Variants in RAB3IP observed in about 807,000 individuals in gnomAD.
RAB3IP encodes the protein rab-3A-interacting protein.
A neutral mutation model predicts 59.1 loss-of-function variants in RAB3IP; 36 were observed. The ratio of observed to expected loss-of-function variants is 0.61; its 90% CI spans 0.47 to 0.80. The LOEUF (loss-of-function observed/expected upper bound fraction) is 0.80, where lower values mean the gene tolerates loss of function less well. Ranked by LOEUF, RAB3IP falls within the 30% of genes least tolerant of loss-of-function variation. The probability of loss-of-function intolerance (pLI) is 0.00; values close to 1 mark genes in which losing one functional copy is unlikely to be tolerated. For missense variants in RAB3IP, 511 were observed against 536.0 expected, an observed-to-expected ratio of 0.95 and a Z score of 0.46; for synonymous variants, 207 against 191.2, an observed-to-expected ratio of 1.08 and a Z score of -0.68.
chr12:69,787,046 A>T (rs1592557025), intron 4 of RAB3IP, among the ~76,000 whole-genome samples: 1 of 152,184 alleles, frequency 6.6e-6, no homozygotes, highest in Admixed American at 6.5e-5. Context: ...CCATTGTCTT[A>T]TGAAAAGATT....
intron 3 of RAB3IP, among the ~76,000 whole-genome samples, chr12:69,762,490 G>A (rs1398768670): frequency 6.6e-6 from 1 of 152,158 alleles, no homozygotes; most frequent in Non-Finnish European, 1.5e-5. Context: ...GGGCGAAGTG[G>A]CTCACGCCTG....
intron 4 of RAB3IP, among the ~76,000 whole-genome samples, chr12:69,792,123 CAG>C (rs1378687158): frequency 6.6e-6 from 1 of 152,122 alleles, no homozygotes; most frequent in Non-Finnish European, 1.5e-5. Flanking sequence ...CATAGAAGCA[CAG>C]AGTAGATTGG....
At chr12:69,772,527 T>A (rs185080226) in intron 3 of RAB3IP, among the ~76,000 whole-genome samples, 163 of 152,292 alleles carry the variant, frequency 1.1e-3, no homozygotes, top group African/African-American at 3.8e-3. Flanking sequence ...TTTTCTCTAG[T>A]AATATGTTTT....
intron 4 of RAB3IP, among the ~76,000 whole-genome samples, chr12:69,785,864 A>G (rs1262376022): frequency 6.6e-6 from 1 of 152,180 alleles, no homozygotes; most frequent in Non-Finnish European, 1.5e-5. Flanking sequence ...CAGCATACAG[A>G]TACCCCTGGG....
At chr12:69,748,049 AAAG>A (rs1403489636) in intron 1 of RAB3IP, among the ~76,000 whole-genome samples, 7 of 150,608 alleles carry the variant, frequency 4.6e-5, no homozygotes, top group African/African-American at 1.5e-4. Flanking sequence ...TGATATGAAA[AAAG>A]ATAAAAATCA....
At position 69,819,159 on chromosome 12, in the gene RAB3IP, T is replaced by C. The variant is rs1321356579; in HGVS notation, c.*3713T>C. On this transcript the variant is annotated 3_prime_UTR_variant, in exon 11 of 11. Coordinates refer to ENST00000247833, the MANE Select transcript of RAB3IP (RefSeq NM_022456.5). Reference sequence around the variant, plus strand: ...TGCATGGAACATCGGTGGTGTATTATGAATCAAGCATTATTACTAGCTCAG... The same window carrying C: ...TGCATGGAACATCGGTGGTGTATTACGAATCAAGCATTATTACTAGCTCAG... 6.6e-6 allele frequency: 1 copy of C among 152,220 alleles called. No individual in the cohort carries two copies. Among genetic ancestry groups the C allele is most frequent in the Non-Finnish European group, 1.5e-5 (1 of 68,038 alleles). The allele number at this position is 152,220 out of a possible 1,614,324, so 9.4% of individuals were successfully genotyped here.
intron 3 of RAB3IP, among the ~76,000 whole-genome samples, chr12:69,761,802 T>A (rs1871349792): frequency 6.6e-6 from 1 of 152,234 alleles, no homozygotes; most frequent in Non-Finnish European, 1.5e-5. Context: ...TTCGTGACTT[T>A]ACCTAATAGA....
At chr12:69,810,344 C>G (rs2136281631) in intron 8 of RAB3IP, among the ~76,000 whole-genome samples, 1 of 152,286 alleles carries the variant, frequency 6.6e-6, no homozygotes, top group Non-Finnish European at 1.5e-5. Context: ...ACTCGGGGGT[C>G]AGGGAGCCAC....
At chr12:69,783,338 C>T (rs1367358181) in intron 3 of RAB3IP, among the ~76,000 whole-genome samples, 2 of 152,200 alleles carry the variant, frequency 1.3e-5, no homozygotes, top group African/African-American at 2.4e-5. Flanking sequence ...AGCATCCCAT[C>T]ATAGGATACT....
At chr12:69,809,426 C>G (rs1880034468) in intron 8 of RAB3IP, among the ~76,000 whole-genome samples, 1 of 152,142 alleles carries the variant, frequency 6.6e-6, no homozygotes, top group Non-Finnish European at 1.5e-5. Flanking sequence ...CTCTGTATTT[C>G]CTGAATTTGA....
intron 3 of RAB3IP, among the ~76,000 whole-genome samples, chr12:69,759,527 G>A (rs573714182): frequency 6.6e-6 from 1 of 152,020 alleles, no homozygotes; most frequent in African/African-American, 2.4e-5. Context: ...TGGTGGCCGG[G>A]CAGAGGAGCT....
chr12:69,798,440 G>A (rs1251495988), intron 6 of RAB3IP, among the ~76,000 whole-genome samples: 1 of 151,478 alleles, frequency 6.6e-6, no homozygotes, highest in Non-Finnish European at 1.5e-5. Flanking sequence ...TGTCAGATGA[G>A]TAGGTTGCGA....
At chr12:69,811,735 G>C (rs973981170) in intron 8 of RAB3IP, among the ~76,000 whole-genome samples, 1 of 152,064 alleles carries the variant, frequency 6.6e-6, no homozygotes. Flanking sequence ...AAAAAGACAG[G>C]AATTGATTTG....
chr12:69,752,601 T>A (rs1175201064), intron 1 of RAB3IP, among the ~76,000 whole-genome samples: 1 of 152,188 alleles, frequency 6.6e-6, no homozygotes, highest in Non-Finnish European at 1.5e-5. Flanking sequence ...TTAATATCAT[T>A]TTGAAGTTAT....
At chr12:69,783,251 C>T (rs1048603512) in intron 3 of RAB3IP, among the ~76,000 whole-genome samples, 2 of 152,182 alleles carry the variant, frequency 1.3e-5, no homozygotes, top group African/African-American at 4.8e-5. Context: ...GTGTGTAGCT[C>T]CTTTGTCTCG....
intron 1 of RAB3IP, among the ~76,000 whole-genome samples, chr12:69,750,899 C>T (rs1205441577): frequency 2.6e-5 from 4 of 151,998 alleles, no homozygotes; most frequent in Non-Finnish European, 5.9e-5. Flanking sequence ...CTCAAACAAC[C>T]TTTTACCTTA....
chr12:69,786,304 C>T (rs2136208831), intron 4 of RAB3IP, among the ~76,000 whole-genome samples: 1 of 152,340 alleles, frequency 6.6e-6, no homozygotes, highest in African/African-American at 2.4e-5. Flanking sequence ...TGTCTTTAGA[C>T]ATGTAGGGCT....
chr12:69,756,483 C>A lies in RAB3IP; in HGVS notation c.330C>A (p.Asp110Glu). The A allele has an allele frequency of 6.2e-7, 1 of 1,614,056 alleles. No individual in the cohort carries two copies. Residue 110 changes from aspartate to glutamate, a missense_variant, in exon 3 of 11, where the codon GAC (aspartate) becomes GAA (glutamate). Coordinates refer to ENST00000247833, the MANE Select transcript of RAB3IP (RefSeq NM_022456.5). The stretch of plus-strand genomic sequence containing the variant: ...TAACTAAATTAACTACAAGAAAGGA[C>A]AACTATAATGCAGAGAGAGAGTTTT... ...AGLTKLTTRK[D>E]NYNAEREFLQ...
intron 3 of RAB3IP, among the ~76,000 whole-genome samples, chr12:69,759,597 C>T (rs1369118326): frequency 6.6e-5 from 10 of 150,384 alleles, no homozygotes; most frequent in Admixed American, 1.3e-4. Flanking sequence ...GACGGGGCGG[C>T]GGCCGGGCGG....
Sources: gnomAD v4.1 joint callset for allele counts (sites outside exome capture counted in the v4.1 genomes callset) on GRCh38, gnomAD v4.1.1 for gene constraint, MANE v1.5 for transcripts, NCBI Gene and HGNC (gene_info 2026-07-23, HGNC 2026-07-21) for gene names.